Variants in SCHIP1 observed in about 807,000 individuals in gnomAD.
The protein encoded by SCHIP1 is schwannomin-interacting protein 1.
In SCHIP1, 8 loss-of-function variants were observed where a neutral mutation model predicts 29.7. The ratio of observed to expected loss-of-function variants is 0.27; its 90% confidence interval spans 0.16 to 0.49. The LOEUF is 0.49. Ranked by LOEUF, SCHIP1 falls within the 20% of genes least tolerant of loss-of-function variation. The pLI, the probability that SCHIP1 is intolerant of heterozygous loss-of-function variation, is 0.99. For missense variants in SCHIP1, 193 were observed against 294.6 expected (o/e 0.66, Z 2.52); for synonymous variants, 76 against 94.9 (o/e 0.80, Z 1.16).
the SCHIP1 span, among the ~76,000 whole-genome samples, chr3:159,551,353 A>G: frequency 0.57 from 86,164 of 151,956 alleles, 25,717 homozygotes; most frequent in South Asian, 0.7. Context: ...ACCAAATCCC[A>G]TCTGAACTGT....
the SCHIP1 span, among the ~76,000 whole-genome samples, chr3:159,598,574 C>A: frequency 6.6e-6 from 1 of 152,190 alleles, no homozygotes; most frequent in Non-Finnish European, 1.5e-5. Context: ...TGGGCTCCCA[C>A]AGCCTTGGAG....
At chr3:159,396,079 CTTCT>C in the SCHIP1 span, among the ~76,000 whole-genome samples, 5 of 144,672 alleles carry the variant, frequency 3.5e-5, no homozygotes, top group Non-Finnish European at 4.6e-5. Context: ...ATGTAATGGC[CTTCT>C]TTGTCTCTTT....
At chr3:159,517,874 A>G in the SCHIP1 span, among the ~76,000 whole-genome samples, 5 of 152,138 alleles carry the variant, frequency 3.3e-5, no homozygotes, top group Non-Finnish European at 1.5e-5. Context: ...AAGAGATTTT[A>G]AAAAGACTTA....
At chr3:159,655,386 ATGATGATGATGATGG>A in the SCHIP1 span, among the ~76,000 whole-genome samples, 95 of 152,226 alleles carry the variant, frequency 6.2e-4, 3 homozygotes, top group South Asian at 6.6e-3. Flanking sequence ...AGTAGTGATG[ATGATGATGATGATGG>A]TGATGATGAT....
chr3:159,413,630 T>A, the SCHIP1 span, among the ~76,000 whole-genome samples: 1 of 152,110 alleles, frequency 6.6e-6, no homozygotes, highest in African/African-American at 2.4e-5. Flanking sequence ...TAAAAACGTA[T>A]ATAAACAATG....
At chr3:159,657,792 T>A in the SCHIP1 span, among the ~76,000 whole-genome samples, 1 of 152,188 alleles carries the variant, frequency 6.6e-6, no homozygotes. Flanking sequence ...TGGAGGTGCA[T>A]TCTGTGGACG....
chr3:159,296,171 T>G, the SCHIP1 span, among the ~76,000 whole-genome samples: 1 of 152,086 alleles, frequency 6.6e-6, no homozygotes, highest in African/African-American at 2.4e-5. Flanking sequence ...AAAATATGTT[T>G]ACTTGTTAAA....
the SCHIP1 span, among the ~76,000 whole-genome samples, chr3:159,738,688 C>G: frequency 1.3e-5 from 2 of 152,124 alleles, no homozygotes; most frequent in Admixed American, 1.3e-4. Flanking sequence ...ATATTGTTCT[C>G]ATGGAACTTA....
At chr3:159,896,943 T>G in exon 7 of SCHIP1, 1 of 633,048 alleles carries the variant, frequency 1.6e-6, no homozygotes, top group East Asian at 3.2e-5. Flanking sequence ...TTTTAATTTT[T>G]TACTTGTGCC....
the SCHIP1 span, among the ~76,000 whole-genome samples, chr3:159,769,694 G>C: frequency 1.3e-5 from 2 of 152,154 alleles, no homozygotes; most frequent in Non-Finnish European, 2.9e-5. Flanking sequence ...AGGTTGCAGT[G>C]AGCCAAGATC....
chr3:159,891,013 T>C (rs1223148694), intron 5 of SCHIP1, among the ~76,000 whole-genome samples: 1 of 152,152 alleles, frequency 6.6e-6, no homozygotes, highest in African/African-American at 2.4e-5. Context: ...AGAGAGCCTT[T>C]GCTTGTTCAT....
chr3:159,341,337 A>ACTC, the SCHIP1 span, among the ~76,000 whole-genome samples: 3 of 151,966 alleles, frequency 2.0e-5, no homozygotes, highest in African/African-American at 7.2e-5. Context: ...CCCCGCCAAC[A>ACTC]CTCCTCACCT....
the SCHIP1 span, among the ~76,000 whole-genome samples, chr3:159,689,694 T>G: frequency 6.6e-6 from 1 of 152,244 alleles, no homozygotes; most frequent in Non-Finnish European, 1.5e-5. Context: ...AAGAGAATGC[T>G]TCCAGCTTTT....
At chr3:159,687,425 A>G in the SCHIP1 span, among the ~76,000 whole-genome samples, 12 of 152,266 alleles carry the variant, frequency 7.9e-5, no homozygotes, top group African/African-American at 2.6e-4. Flanking sequence ...TTTCTGTTTT[A>G]TGTTTATTGT....
the SCHIP1 span, among the ~76,000 whole-genome samples, chr3:159,390,824 T>C: frequency 2.6e-5 from 4 of 151,802 alleles, no homozygotes; most frequent in Non-Finnish European, 2.9e-5. Flanking sequence ...AATTCATTCA[T>C]TCTTCTTGCC....
the SCHIP1 span, among the ~76,000 whole-genome samples, chr3:159,369,153 G>A: frequency 6.6e-6 from 1 of 152,116 alleles, no homozygotes; most frequent in South Asian, 2.1e-4. Flanking sequence ...AAAATTGTAT[G>A]ATATCAATGA....
the SCHIP1 span, among the ~76,000 whole-genome samples, chr3:159,606,947 G>A: frequency 6.6e-6 from 1 of 152,166 alleles, no homozygotes; most frequent in Non-Finnish European, 1.5e-5. Context: ...GGTGACAGGA[G>A]GAAGGAGTGG....
the SCHIP1 span, among the ~76,000 whole-genome samples, chr3:159,782,000 A>G: frequency 5.2e-5 from 8 of 152,388 alleles, no homozygotes; most frequent in Admixed American, 2.0e-4. Flanking sequence ...CTCTGAGGTT[A>G]CGGGCAGTCT....
the SCHIP1 span, among the ~76,000 whole-genome samples, chr3:159,701,168 T>C: frequency 1.3e-5 from 2 of 152,234 alleles, no homozygotes; most frequent in African/African-American, 4.8e-5. Flanking sequence ...CAGAAGGAAC[T>C]ATGGTAAACT....
Sources: gnomAD v4.1 joint callset for allele counts (sites outside exome capture counted in the v4.1 genomes callset) on GRCh38, gnomAD v4.1.1 for gene constraint, MANE v1.5 for transcripts, NCBI Gene and HGNC (gene_info 2026-07-23, HGNC 2026-07-21) for gene names.